Variants in ERCC6L2 observed in about 807,000 individuals in gnomAD.
ERCC6L2 encodes DNA excision repair protein ERCC-6-like 2.
A neutral mutation model predicts 132.0 loss-of-function variants in ERCC6L2; 77 were observed. That is an observed-to-expected ratio of 0.58 (90% CI 0.49 to 0.71). ERCC6L2 has a LOEUF of 0.71. Ranked by LOEUF, ERCC6L2 falls within the 30% of genes least tolerant of loss-of-function variation. The pLI, the probability that ERCC6L2 is intolerant of heterozygous loss-of-function variation, is 0.00. For synonymous variants in ERCC6L2, 583 were observed against 632.4 expected, an observed-to-expected ratio of 0.92 and a Z score of 1.17; for missense variants, 1,542 against 1,837.6, an observed-to-expected ratio of 0.84 and a Z score of 2.94.
At chr9:95,930,400 A>G (rs1289185655) in intron 11 of ERCC6L2, among the ~76,000 whole-genome samples, 1 of 152,162 alleles carries the variant, frequency 6.6e-6, no homozygotes, top group Non-Finnish European at 1.5e-5. Context: ...TTTGCAAAAG[A>G]CACATAAGCT....
intron 4 of ERCC6L2, among the ~76,000 whole-genome samples, chr9:95,914,846 G>C (rs1246433107): frequency 2.0e-5 from 3 of 151,910 alleles, no homozygotes; most frequent in Non-Finnish European, 4.4e-5. Flanking sequence ...TAAGAAATAC[G>C]TGCCTAATCC....
At chr9:96,030,535 A>C (rs1176021124) in intron 19 of ERCC6L2, among the ~76,000 whole-genome samples, 1 of 151,160 alleles carries the variant, frequency 6.6e-6, no homozygotes, top group African/African-American at 2.4e-5. Context: ...GTCTCTACTA[A>C]AAAAAAATAC....
chr9:95,907,000 T>C, intron 3 of ERCC6L2, 78 bp from the exon 4 acceptor site: 7 of 931,284 alleles, frequency 7.5e-6, no homozygotes, highest in Non-Finnish European at 1.2e-5. Flanking sequence ...GGACTATTGA[T>C]ATTGATATTG....
intron 11 of ERCC6L2, among the ~76,000 whole-genome samples, chr9:95,940,482 G>A (rs975765297): frequency 1.3e-5 from 2 of 152,128 alleles, no homozygotes; most frequent in African/African-American, 4.8e-5. Flanking sequence ...CAGATTTTGT[G>A]TGACTCATGA....
At chr9:95,923,169 T>C in intron 8 of ERCC6L2, 91 bp from the exon 9 acceptor site, 1 of 1,458,156 alleles carries the variant, frequency 6.9e-7, no homozygotes, top group South Asian at 1.5e-5. Context: ...ACATTCTTTC[T>C]AAAAAGAATT....
At chr9:96,037,508 G>A (rs79014453) in intron 19 of ERCC6L2, among the ~76,000 whole-genome samples, 2,139 of 152,284 alleles carry the variant, frequency 0.014, 47 homozygotes, top group African/African-American at 0.048. Context: ...GTCATATCTG[G>A]GGGAAGATAG....
intron 13 of ERCC6L2, among the ~76,000 whole-genome samples, chr9:95,959,013 A>G (rs573073719): frequency 4.7e-4 from 71 of 151,982 alleles, no homozygotes; most frequent in African/African-American, 1.7e-3. Context: ...TCTTCACAGA[A>G]TTGGAAAAAA....
rs1439418464 is a variant in ERCC6L2, at chr9:96,012,719, A to C, written c.4169A>C (p.Glu1390Ala). 1.5e-6 allele frequency: 2 copies of C among 1,367,564 alleles called. No individual in the cohort carries two copies. The highest frequency in any genetic ancestry group is 3.0e-5 in the African/African-American group (2 of 67,748). The allele number at this position is 1,367,564 out of a possible 1,614,324, so 84.7% of individuals were successfully genotyped here. ...VTSRSLNSES[E>A]TRERRLENTM... is the part of the protein sequence containing the mutation. ...TCCCGTTCTCTGAACAGTGAGTCTG[A>C]AACACGTGAGAGAAGGTTAGAAAAT... is the stretch of plus-strand genomic sequence containing the variant. Residue 1390 changes from glutamate to alanine, a missense_variant, in exon 19 of 19, where the codon GAA becomes GCA. Physicochemically the swap from Glu to Ala is moderately radical, Grantham distance 107. This residue lies in a region of ERCC6L2 where 442 missense variants were observed against 583.4 expected (regional missense o/e 0.76). Coordinates refer to ENST00000653738, the MANE Select transcript of ERCC6L2 (RefSeq NM_020207.7).
chr9:95,953,106 C>T (rs1192543732), intron 12 of ERCC6L2, among the ~76,000 whole-genome samples: 1 of 152,054 alleles, frequency 6.6e-6, no homozygotes, highest in Non-Finnish European at 1.5e-5. Context: ...TTAATGAGTA[C>T]AGAGTTTCAG....
At chr9:95,997,001 C>A (rs1251178187) in intron 17 of ERCC6L2, among the ~76,000 whole-genome samples, 1 of 152,164 alleles carries the variant, frequency 6.6e-6, no homozygotes, top group African/African-American at 2.4e-5. Flanking sequence ...AGGAGGCTGA[C>A]CTGGGAGAAT....
intron 16 of ERCC6L2, 103 bp from the exon 17 acceptor site, chr9:95,977,958 G>A (rs998964382): frequency 2.5e-5 from 17 of 687,606 alleles, no homozygotes; most frequent in Non-Finnish European, 3.2e-5. Context: ...ATATTGTGAT[G>A]TTGATGTTTC....
chr9:95,978,652 A>AT (rs1317371349), intron 17 of ERCC6L2, among the ~76,000 whole-genome samples: 1 of 152,230 alleles, frequency 6.6e-6, no homozygotes, highest in East Asian at 1.9e-4. Context: ...AAGGGTTTTT[A>AT]TACTGTTAAA....
chr9:95,967,855 C>G (rs577744140), intron 14 of ERCC6L2: 2 of 152,192 alleles, frequency 1.3e-5, no homozygotes, highest in South Asian at 4.1e-4. Flanking sequence ...CCCTCCAGCT[C>G]CCAAACCCAG....
At chr9:95,921,406 T>C in intron 7 of ERCC6L2, 91 bp downstream of exon 7, 1 of 1,026,080 alleles carries the variant, frequency 9.7e-7, no homozygotes, top group Non-Finnish European at 1.4e-6. Flanking sequence ...ATAAAATACC[T>C]TTTCCTCAGA....
intron 2 of ERCC6L2, among the ~76,000 whole-genome samples, chr9:95,889,192 A>G (rs779813127): frequency 6.6e-6 from 1 of 152,196 alleles, no homozygotes; most frequent in Non-Finnish European, 1.5e-5. Context: ...AACATTTCAC[A>G]TATCTTTGTT....
chr9:95,949,959 A>G (rs969675382), intron 12 of ERCC6L2, among the ~76,000 whole-genome samples: 1 of 151,486 alleles, frequency 6.6e-6, no homozygotes, highest in Non-Finnish European at 1.5e-5. Flanking sequence ...GTGAGCCGAG[A>G]TGCCGAGATT....
At chr9:95,956,086 G>A in intron 13 of ERCC6L2, 73 bp downstream of exon 13, 2 of 806,576 alleles carry the variant, frequency 2.5e-6, no homozygotes, top group Admixed American at 2.7e-5. Flanking sequence ...ACAAATTTGT[G>A]TAAAATGTAA....
At chr9:95,877,305 A>G (rs1827326722) in intron 1 of ERCC6L2, among the ~76,000 whole-genome samples, 1 of 151,838 alleles carries the variant, frequency 6.6e-6, no homozygotes, top group Non-Finnish European at 1.5e-5. Flanking sequence ...CTCAAACCCA[A>G]AATACTCCAA....
intron 3 of ERCC6L2, among the ~76,000 whole-genome samples, chr9:95,901,923 A>G (rs1331442094): frequency 1.3e-5 from 2 of 152,216 alleles, no homozygotes; most frequent in Non-Finnish European, 2.9e-5. Flanking sequence ...AAAACAATGT[A>G]TGTTTTAAAA....
Sources: gnomAD v4.1 joint callset for allele counts (sites outside exome capture counted in the v4.1 genomes callset) on GRCh38, gnomAD v4.1.1 for gene constraint, gnomAD v4.1.1 regional missense constraint, MANE v1.5 for transcripts, NCBI Gene and HGNC (gene_info 2026-07-23, HGNC 2026-07-21) for gene names.